The following PPFIA2 variants were observed in gnomAD, a reference collection of about 807,000 sequenced individuals.
PPFIA2 encodes PPFI scaffold protein A2.
A neutral mutation model predicts 175.5 loss-of-function variants in PPFIA2; 46 were observed. The observed-to-expected ratio is 0.26, with a 90% confidence interval of 0.21 to 0.34. The LOEUF (loss-of-function observed/expected upper bound fraction) is 0.34. Among genes scored for constraint, PPFIA2 ranks in the 10% least tolerant of loss-of-function variants. PPFIA2 has a pLI of 1.00. For missense variants in PPFIA2, 1,179 were observed against 1,506.1 expected (o/e 0.78, Z 3.60); for synonymous variants, 568 against 511.4 (o/e 1.11, Z -1.49).
chr12:81,698,898 C>T (rs1170263948), intron 3 of PPFIA2, among the ~76,000 whole-genome samples: 1 of 152,122 alleles, frequency 6.6e-6, no homozygotes, highest in African/African-American at 2.4e-5. Flanking sequence ...TGACAATTAA[C>T]ATTTGTTGTA....
chr12:81,605,129 T>A (rs148965719), intron 4 of PPFIA2, among the ~76,000 whole-genome samples: 6 of 152,004 alleles, frequency 3.9e-5, no homozygotes, highest in Admixed American at 3.9e-4. Flanking sequence ...ATAATTTTGT[T>A]TTAAGAAATA....
chr12:81,676,158 G>A (rs2072471323), intron 4 of PPFIA2, among the ~76,000 whole-genome samples: 2 of 152,008 alleles, frequency 1.3e-5, no homozygotes, highest in Non-Finnish European at 2.9e-5. Context: ...GTTGATATAA[G>A]TTGAATCTGT....
At chr12:81,364,265 G>T (rs1363394938) in intron 14 of PPFIA2, among the ~76,000 whole-genome samples, 1 of 151,860 alleles carries the variant, frequency 6.6e-6, no homozygotes, top group Non-Finnish European at 1.5e-5. Flanking sequence ...CTTTTTAAAA[G>T]TATGATTGCA....
intron 9 of PPFIA2, among the ~76,000 whole-genome samples, chr12:81,378,700 G>A (rs2036949452): frequency 1.3e-5 from 2 of 152,122 alleles, no homozygotes; most frequent in African/African-American, 4.8e-5. Context: ...GCTAACCTGT[G>A]TAAATAAACT....
chr12:81,398,627 T>C (rs1004849016), intron 8 of PPFIA2, among the ~76,000 whole-genome samples: 2 of 152,104 alleles, frequency 1.3e-5, no homozygotes, highest in Non-Finnish European at 2.9e-5. Context: ...AAGGACTTTA[T>C]GCTGGTTACT....
At chr12:81,624,909 C>T (rs1194062224) in intron 4 of PPFIA2, among the ~76,000 whole-genome samples, 2 of 151,170 alleles carry the variant, frequency 1.3e-5, no homozygotes, top group Non-Finnish European at 3.0e-5. Context: ...ACACTAAAAT[C>T]CCAGAATTCA....
intron 3 of PPFIA2, among the ~76,000 whole-genome samples, chr12:81,696,515 C>A (rs1210376353): frequency 6.6e-6 from 1 of 152,136 alleles, no homozygotes; most frequent in Non-Finnish European, 1.5e-5. Context: ...TTAATTTACA[C>A]ACTTATGAAG....
At chr12:81,677,449 A>T (rs911386660) in intron 3 of PPFIA2, among the ~76,000 whole-genome samples, 4 of 151,916 alleles carry the variant, frequency 2.6e-5, no homozygotes, top group African/African-American at 9.7e-5. Flanking sequence ...TATTCATTTT[A>T]TCTAACTGTA....
chr12:81,381,153 G>T (rs1341722027), intron 9 of PPFIA2, among the ~76,000 whole-genome samples: 1 of 152,030 alleles, frequency 6.6e-6, no homozygotes, highest in Admixed American at 6.6e-5. Flanking sequence ...ATTTGTGTTT[G>T]CAACCTCCCT....
At chr12:81,497,759 G>A (rs938036162) in intron 4 of PPFIA2, among the ~76,000 whole-genome samples, 5 of 151,898 alleles carry the variant, frequency 3.3e-5, no homozygotes, top group Non-Finnish European at 5.9e-5. Flanking sequence ...GGCTGGTCTC[G>A]AACTCCTGAC....
At chr12:81,729,705 G>T (rs111348481) in intron 3 of PPFIA2, among the ~76,000 whole-genome samples, 1 of 151,488 alleles carries the variant, frequency 6.6e-6, no homozygotes, top group African/African-American at 2.4e-5. Flanking sequence ...CTTAAAAGTA[G>T]CAACATTTCT....
At chr12:81,336,662 C>A (rs149431774) in intron 21 of PPFIA2, among the ~76,000 whole-genome samples, 2 of 152,276 alleles carry the variant, frequency 1.3e-5, no homozygotes, top group African/African-American at 4.8e-5. Context: ...TAGCTGCTTT[C>A]AACTTAAGTC....
At chr12:81,524,195 T>C (rs1044114244) in intron 4 of PPFIA2, among the ~76,000 whole-genome samples, 30 of 152,238 alleles carry the variant, frequency 2.0e-4, no homozygotes, top group African/African-American at 7.2e-4. Context: ...AGTGGAGCCA[T>C]AGGGTTGGTT....
intron 7 of PPFIA2, among the ~76,000 whole-genome samples, chr12:81,424,348 A>G (rs2046788669): frequency 6.6e-6 from 1 of 152,174 alleles, no homozygotes; most frequent in Non-Finnish European, 1.5e-5. Flanking sequence ...TACTTTAGCT[A>G]AAAATTTCTA....
At chr12:81,575,952 G>A (rs2073454548) in intron 4 of PPFIA2, among the ~76,000 whole-genome samples, 1 of 151,726 alleles carries the variant, frequency 6.6e-6, no homozygotes, top group African/African-American at 2.4e-5. Flanking sequence ...AAAGATGGCT[G>A]GTTGAGCCCC....
Position 81,341,078 on chromosome 12 carries a change from C to G in PPFIA2, c.2393G>C (p.Ser798Thr), listed in dbSNP as rs1392650886. 1 of 1,609,302 alleles carries G rather than the reference C, an allele frequency of 6.2e-7. No individual in the cohort carries two copies. Among genetic ancestry groups the G allele is most frequent in the South Asian group, 1.1e-5 (1 of 90,884 alleles). ...LPSSYHNDAR[S>T]SLSVSLEPES... Reference sequence around the variant, plus strand: ...GTGCAGTGTGCCTGCAGAGTCTTACCTTCGAGCATCATTGTGGTAGGAAGA... The same window carrying G: ...GTGCAGTGTGCCTGCAGAGTCTTACGTTCGAGCATCATTGTGGTAGGAAGA... The change falls in exon 20 of 33, where the codon AGT becomes ACT. Residue 798 changes from serine (S) to threonine (T), a missense_variant and splice_region_variant. Transcript: ENST00000549396.
At chr12:81,523,607 A>G (rs1016673131) in intron 4 of PPFIA2, among the ~76,000 whole-genome samples, 2 of 152,166 alleles carry the variant, frequency 1.3e-5, no homozygotes, top group Admixed American at 6.5e-5. Flanking sequence ...TAAATAATAG[A>G]ACCCTCTAAT....
rs1040299257 is a variant in PPFIA2, at chr12:81,389,062, ATG to A, written c.763-4820_763-4819del. On this transcript the variant is annotated intron_variant, in intron 8 of 32. Coordinates refer to ENST00000549396, the MANE Select transcript of PPFIA2 (RefSeq NM_003625.5). Reference sequence around the variant, plus strand: ...TTTCACAGAAGTGGAGCCGCTGAACATGTGTTCTTTCGTGACTAGTTTTATGC... The same window carrying A: ...TTTCACAGAAGTGGAGCCGCTGAACATGTTCTTTCGTGACTAGTTTTATGC... 2.2e-4 allele frequency among the ~76,000 whole-genome samples: 33 copies of A among 151,290 alleles called. 1 individual carries two copies. The highest frequency in any genetic ancestry group is 4.0e-4 in the Non-Finnish European group (27 of 67,850).
In PPFIA2 at chr12:81,391,233, TGA is replaced by T. The variant is rs1375271042; in HGVS notation, c.763-6991_763-6990del. ...ATCCTTTGAGTTGGGTCTTCAAAGA[TGA>T]GTTATTATATTTCAAGTAAAGGAAA... On this transcript the variant is annotated intron_variant, in intron 8 of 32. Coordinates refer to ENST00000549396, the MANE Select transcript of PPFIA2 (RefSeq NM_003625.5). 4.6e-5 allele frequency among the ~76,000 whole-genome samples: 7 copies of T among 152,060 alleles called. No individual in the cohort carries two copies. In the South Asian group the frequency reaches 1.2e-3, roughly 27 times the overall value.
Sources: allele counts gnomAD v4.1 joint callset (sites outside exome capture counted in the v4.1 genomes callset), GRCh38; gene constraint gnomAD v4.1.1; transcripts MANE v1.5; gene names NCBI Gene and HGNC (gene_info 2026-07-23, HGNC 2026-07-21).